Variants in SPDYE21 observed in about 807,000 individuals in gnomAD.
SPDYE21 encodes the protein speedy/RINGO cell cycle regulator family member E21.
A neutral mutation model predicts 36.2 loss-of-function variants in SPDYE21; 14 were observed. The ratio of observed to expected loss-of-function variants is 0.39; its 90% CI spans 0.26 to 0.61. The LOEUF (loss-of-function observed/expected upper bound fraction) is 0.61. Among genes scored for constraint, SPDYE21 ranks in the 20% least tolerant of loss-of-function variants. The pLI is 0.55. For synonymous variants in SPDYE21, 58 were observed against 155.1 expected (o/e 0.37, Z 4.65); for missense variants, 233 against 424.6 (o/e 0.55, Z 3.97).
chr7:67,286,934 G>C (rs949757412), intron 8 of SPDYE21, among the ~76,000 whole-genome samples: 3 of 152,190 alleles, frequency 2.0e-5, no homozygotes, highest in African/African-American at 7.2e-5. Context: ...GACAGAGTGA[G>C]ACCCTGCCTC....
rs1192287026 is a variant in SPDYE21 at position 67,276,950 on chromosome 7, A to G, written c.-535A>G. Among the ~76,000 whole-genome samples the G allele has an allele frequency of 6.6e-6, 1 of 152,204 alleles. No individual in the cohort carries two copies. Among genetic ancestry groups the G allele is most frequent in the Non-Finnish European group, 1.5e-5 (1 of 68,042 alleles). ...AAAAGCAGAGCTTCCTAACAATGGGACTTCCACAGCAATGGGATCGGCTTC... is the reference window on the plus strand; with the variant it reads ...AAAAGCAGAGCTTCCTAACAATGGGGCTTCCACAGCAATGGGATCGGCTTC... On this transcript the variant is annotated 5_prime_UTR_variant, in exon 1 of 9. Transcript: ENST00000424157.
intron 6 of SPDYE21, among the ~76,000 whole-genome samples, chr7:67,284,884 C>T (rs1802703772): frequency 6.6e-6 from 1 of 150,754 alleles, no homozygotes; most frequent in Non-Finnish European, 1.5e-5. Flanking sequence ...ATTCTACCCT[C>T]TCTACAATCT....
At chr7:67,284,810 T>C (rs1020364038) in intron 6 of SPDYE21, among the ~76,000 whole-genome samples, 2 of 152,058 alleles carry the variant, frequency 1.3e-5, no homozygotes, top group African/African-American at 4.8e-5. Context: ...ACAACCTCAC[T>C]GCCCACCTGA....
rs1412879760 is a variant in SPDYE21 at position 67,284,299 on chromosome 7, A to G, written c.755+301A>G. Among the ~76,000 whole-genome samples, 5 of 151,858 alleles carry G rather than the reference A, an allele frequency of 3.3e-5. No homozygotes were observed. In the East Asian group the frequency reaches 9.7e-4, roughly 30 times the overall value. On this transcript the variant is annotated intron_variant, in intron 6 of 8. Transcript: ENST00000424157. ...CCCCGTCTCTACTAAAACTAGAAAA[A>G]TTAGCTGGGCGTGGTGGTGTGCATC... is the stretch of plus-strand genomic sequence containing the variant.
intron 5 of SPDYE21, among the ~76,000 whole-genome samples, chr7:67,282,894 C>G (rs1452668446): frequency 1.5e-5 from 2 of 137,854 alleles, no homozygotes; most frequent in Admixed American, 1.5e-4. Context: ...GCAGCCGATG[C>G]CTCCCGGGTT....
intron 3 of SPDYE21, among the ~76,000 whole-genome samples, chr7:67,281,103 A>ACAAC (rs1584747384): frequency 8.6e-6 from 1 of 115,840 alleles, no homozygotes; most frequent in African/African-American, 2.8e-5. Context: ...CAACAACAAA[A>ACAAC]AAAAAAAAAA....
At position 67,278,814 on chromosome 7, in the gene SPDYE21, G is replaced by GAAT. The variant is rs1802582454; in HGVS notation, c.101_102insAAT (p.Arg34_Ser35insMet). Reference sequence around the variant, plus strand: ...CCCCAGAATGAGCAGAGTCCCCAGCGGAGCACCTCGGGGTACCCCCTCCAG... The same window carrying GAAT: ...CCCCAGAATGAGCAGAGTCCCCAGCGAATGAGCACCTCGGGGTACCCCCTCCAG... On this transcript the variant is annotated inframe_insertion, in exon 2 of 9. Transcript: ENST00000424157. Among the ~76,000 whole-genome samples, 1 of 151,890 alleles carries GAAT rather than the reference G, an allele frequency of 6.6e-6. No homozygotes were observed. The highest frequency in any genetic ancestry group is 1.5e-5 in the Non-Finnish European group (1 of 67,986).
intron 3 of SPDYE21, among the ~76,000 whole-genome samples, chr7:67,280,399 CTG>C (rs1253381492): frequency 1.3e-5 from 2 of 152,062 alleles, no homozygotes; most frequent in Non-Finnish European, 2.9e-5. Context: ...GAGCAAAACC[CTG>C]TGTCAAAAGA....
Position 67,285,059 on chromosome 7 carries a change from C to T in SPDYE21, c.756-985C>T, listed in dbSNP as rs554273140. 7.9e-5 allele frequency among the ~76,000 whole-genome samples: 12 copies of T among 152,114 alleles called. No individual in the cohort carries two copies. The South Asian group carries it at 2.5e-3, about 32-fold the overall frequency. On this transcript the variant is annotated intron_variant, in intron 6 of 8. Transcript: ENST00000424157. ...TTCCTTGAAGTCAGTTCACCCACAG[C>T]CTCTGTGATGCCTTCCCTCATCTTC...
At position 67,287,551 on chromosome 7, in the gene SPDYE21, C is replaced by T. The variant is rs1423229261; in HGVS notation, c.*79C>T. ...ACCCAGGGGAGATGTGGATTTTCAG[C>T]AGGAACTTTATTCCAATGCTAATGG... On this transcript the variant is annotated 3_prime_UTR_variant, in exon 9 of 9. Transcript: ENST00000424157. Among the ~76,000 whole-genome samples the T allele has an allele frequency of 6.6e-6, 1 of 151,964 alleles. No homozygotes were observed. Among genetic ancestry groups the T allele is most frequent in the East Asian group, 1.9e-4 (1 of 5,178 alleles).
At chr7:67,280,295 T>C (rs144724004) in intron 3 of SPDYE21, among the ~76,000 whole-genome samples, 23,456 of 146,614 alleles carry the variant, frequency 0.16, 2,221 homozygotes, top group East Asian at 0.36. Context: ...GATCCTAGCA[T>C]GTTGGGAGGC....
chr7:67,279,719 C>T (rs1163571357), intron 2 of SPDYE21, 99 bp from the exon 3 acceptor site: 25 of 1,592,840 alleles, frequency 1.6e-5, no homozygotes, highest in African/African-American at 6.7e-5. Context: ...CAGCAGTCTG[C>T]GAGGCTGGGG....
At chr7:67,285,479 C>T (rs1023431380) in intron 6 of SPDYE21, among the ~76,000 whole-genome samples, 37 of 151,512 alleles carry the variant, frequency 2.4e-4, no homozygotes, top group Non-Finnish European at 3.8e-4. Context: ...CAGCCTCTGC[C>T]TCCTGGGTTC....
intron 6 of SPDYE21, among the ~76,000 whole-genome samples, chr7:67,285,138 T>A (rs1431813580): frequency 6.6e-6 from 1 of 151,868 alleles, no homozygotes; most frequent in African/African-American, 2.4e-5. Flanking sequence ...TGGGATTAGG[T>A]CATCTGCCTT....
At position 67,286,246 on chromosome 7, in the gene SPDYE21, A is replaced by G; in HGVS notation, c.958A>G (p.Met320Val). Residue 320 changes from methionine to valine, a missense_variant, in exon 7 of 9, where the codon ATG becomes GTG. Around this residue, in one of 4 missense-constraint regions of SPDYE21, gnomAD observed 139 missense variants for 175.8 expected, o/e 0.79. Transcript: ENST00000424157. ...RKRRFQLGRS[M>V]NPRARKYRSR... ...GCGTCGGTTCCAGTTAGGCCGTTCC[A>G]TGAACCCGAGGGCCAGGAAGTACCG... The G allele has an allele frequency of 1.2e-6, 2 of 1,612,450 alleles. No homozygotes were observed. Among genetic ancestry groups the G allele is most frequent in the Admixed American group, 1.7e-5 (1 of 59,984 alleles).
chr7:67,277,419 A>C (rs1802558837), intron 1 of SPDYE21, among the ~76,000 whole-genome samples: 1 of 151,920 alleles, frequency 6.6e-6, no homozygotes, highest in African/African-American at 2.4e-5. Flanking sequence ...ATTTTTTATC[A>C]AAAAAATTTT....
At chr7:67,282,170 TAAA>T (rs964328691) in intron 4 of SPDYE21, among the ~76,000 whole-genome samples, 8 of 152,058 alleles carry the variant, frequency 5.3e-5, no homozygotes, top group Non-Finnish European at 1.5e-5. Context: ...AAAAATCAAA[TAAA>T]GAAAAACAAA....
At chr7:67,285,807 G>A (rs201163252) in intron 6 of SPDYE21, among the ~76,000 whole-genome samples, 12,615 of 149,902 alleles carry the variant, frequency 0.084, 766 homozygotes, top group East Asian at 0.33. Context: ...GATTCCAGGC[G>A]TAAGCCACCA....
intron 2 of SPDYE21, among the ~76,000 whole-genome samples, 195 bp from the exon 3 acceptor site, chr7:67,279,623 G>A (rs1802596881): frequency 6.6e-6 from 1 of 152,128 alleles, no homozygotes; most frequent in Non-Finnish European, 1.5e-5. Flanking sequence ...GTGTTCGGAG[G>A]ACAGAGAGAG....
Sources: gnomAD v4.1 joint callset for allele counts (sites outside exome capture counted in the v4.1 genomes callset) on GRCh38, gnomAD v4.1.1 for gene constraint, gnomAD v4.1.1 regional missense constraint, MANE v1.5 for transcripts, NCBI Gene and HGNC (gene_info 2026-07-23, HGNC 2026-07-21) for gene names.